Variants in FLNB observed in about 807,000 individuals in gnomAD.
FLNB encodes the protein filamin-B.
Under a neutral mutation model 250.6 loss-of-function variants are expected in FLNB, and 111 were observed. That is an observed-to-expected ratio of 0.44 (90% CI 0.38 to 0.52). The LOEUF (loss-of-function observed/expected upper bound fraction) is 0.52, where lower values mean the gene tolerates loss of function less well. Ranked by LOEUF, FLNB falls within the 20% of genes least tolerant of loss-of-function variation. The probability of loss-of-function intolerance (pLI) is 0.00; values close to 1 mark genes in which losing one functional copy is unlikely to be tolerated. For synonymous variants in FLNB, 1,302 were observed against 1,372.1 expected, an observed-to-expected ratio of 0.95 and a Z score of 1.13; for missense variants, 2,869 against 3,447.8, an observed-to-expected ratio of 0.83 and a Z score of 4.20.
At chr3:58,117,081 T>G (rs1242328228) in intron 18 of FLNB, among the ~76,000 whole-genome samples, 1 of 152,148 alleles carries the variant, frequency 6.6e-6, no homozygotes, top group African/African-American at 2.4e-5. Context: ...AAGAATAAGA[T>G]TCAGGTTTCA....
chr3:58,170,865 C>A lies in FLNB; in HGVS notation c.*103C>A, dbSNP rs1317705915. On this transcript the variant is annotated 3_prime_UTR_variant, in exon 46 of 46. Coordinates refer to ENST00000295956, the MANE Select transcript of FLNB (RefSeq NM_001457.4). ...CTCCAGCCTGTTTGTGGGGCTGAAA[C>A]CCCATCCCTAAAATATTGCTGTTGT... 2 of 1,051,726 alleles carry A rather than the reference C, an allele frequency of 1.9e-6. No homozygotes were observed. The highest frequency in any genetic ancestry group is 2.0e-5 in the Admixed American group (1 of 49,608). The allele number at this position is 1,051,726 out of a possible 1,614,324, so 65.1% of individuals were successfully genotyped here. A position where few individuals can be genotyped will look rare whatever the true frequency, so the allele number is the denominator to read the frequency against.
rs749772889 is a variant in FLNB, at chr3:58,150,181, C to A, written c.6321C>A (p.Ser2107=). The A allele has an allele frequency of 6.2e-7, 1 of 1,614,190 alleles. No homozygotes were observed. The change falls in exon 38 of 46, where the codon TCC becomes TCA. Residue 2107 remains serine, a synonymous_variant. Transcript: ENST00000295956. The stretch of plus-strand genomic sequence containing the variant: ...TCACCCGCACCAGTCGGGCCCCGTC[C>A]GTGGCCACTGTCGGGAGCATTTGTG... The part of the protein sequence containing the change: ...ESITRTSRAP[S]VATVGSICDL...
At position 58,112,290 on chromosome 3, in the gene FLNB, ACACGGTTAAATATACACC is replaced by A. The variant is rs1559701622; in HGVS notation, c.2721_2738del (p.Val908_Thr913del). ...ATCATCGATAATTATGACTACTCTC[ACACGGTTAAATATACACC>A]CACCCAACAGGTAGGGTCCTTCTCC... On this transcript the variant is annotated inframe_deletion, in exon 18 of 46. Transcript: ENST00000295956. 1.2e-6 allele frequency: 2 copies of A among 1,613,768 alleles called. No homozygotes were observed. Among genetic ancestry groups the A allele is most frequent in the Non-Finnish European group, 1.7e-6 (2 of 1,180,022 alleles).
At chr3:58,072,313 C>T (rs1049374384) in intron 1 of FLNB, among the ~76,000 whole-genome samples, 9 of 152,042 alleles carry the variant, frequency 5.9e-5, no homozygotes, top group South Asian at 2.1e-4. Context: ...GGTGGTTAGG[C>T]GGACCTGGTA....
intron 34 of FLNB, 41 bp downstream of exon 34, chr3:58,147,034 A>G (rs2097336819): frequency 6.2e-7 from 1 of 1,606,754 alleles, no homozygotes; most frequent in Non-Finnish European, 8.5e-7. Flanking sequence ...CGTGGGAAGT[A>G]TGGCTGCCTC....
Position 58,102,319 on chromosome 3 carries a change from G to A in FLNB, c.1462G>A (p.Gly488Ser), listed in dbSNP as rs369048620. ...CAAAGCTGCAGGAAGTGGGGAGCTC[G>A]GTGTAACCATGAAGGGTCCTAGTAA... ...DTKAAGSGELGVTMKGPKGLE... is the reference protein window; with the variant it reads ...DTKAAGSGELSVTMKGPKGLE... The change falls in exon 9 of 46, where the codon GGT becomes AGT. Residue 488 changes from glycine to serine, a missense_variant. Transcript: ENST00000295956. 2.8e-5 allele frequency: 45 copies of A among 1,614,166 alleles called. No individual in the cohort carries two copies. The highest frequency in any genetic ancestry group is 1.7e-4 in the Middle Eastern group (1 of 6,060).
At position 58,150,016 on chromosome 3, in the gene FLNB, A is replaced by G. The variant is rs754956909; in HGVS notation, c.6244+14A>G. 1.8e-5 allele frequency: 29 copies of G among 1,614,114 alleles called. No individual in the cohort carries two copies. The highest frequency in any genetic ancestry group is 3.3e-5 in the South Asian group (3 of 91,094). On this transcript the variant is annotated intron_variant, in intron 37 of 45. Transcript: ENST00000295956. ...AGCACGTGCCTGGTATGTGCATTCC[A>G]TTCCCCTCCAGGTGGGATGCTTGGG...
At chr3:58,097,772 C>T in intron 6 of FLNB, 43 bp from the exon 7 acceptor site, 1 of 1,593,266 alleles carries the variant, frequency 6.3e-7, no homozygotes, top group Non-Finnish European at 8.6e-7. Context: ...TTGCTGGGCA[C>T]AGAGAAGTGA....
chr3:58,134,828 C>G, intron 27 of FLNB, 56 bp downstream of exon 27: 1 of 1,527,524 alleles, frequency 6.5e-7, no homozygotes, highest in Non-Finnish European at 9.0e-7. Flanking sequence ...AATTTCTGGG[C>G]CAGATTTAAG....
intron 18 of FLNB, among the ~76,000 whole-genome samples, chr3:58,115,429 G>C (rs778294139): frequency 1.3e-5 from 2 of 152,216 alleles, no homozygotes; most frequent in Non-Finnish European, 1.5e-5. Flanking sequence ...TAGAAAGTAA[G>C]TTGCAGATAT....
chr3:58,045,808 C>T (rs1179696988), intron 1 of FLNB, among the ~76,000 whole-genome samples: 2 of 151,792 alleles, frequency 1.3e-5, no homozygotes, highest in African/African-American at 2.4e-5. Flanking sequence ...AAGACCAGCC[C>T]GGCCAACATG....
chr3:58,154,484 G>A (rs1380410135), intron 39 of FLNB: 1 of 336,782 alleles, frequency 3.0e-6, no homozygotes, highest in Non-Finnish European at 5.6e-6. Flanking sequence ...GATGGAGCTT[G>A]CAGTGAGCTG....
intron 4 of FLNB, among the ~76,000 whole-genome samples, chr3:58,090,148 CTT>C (rs61103936): frequency 6.7e-4 from 99 of 146,908 alleles, no homozygotes; most frequent in South Asian, 3.2e-3. Flanking sequence ...ACTTTTAAAA[CTT>C]TTTTTTTTTT....
intron 1 of FLNB, among the ~76,000 whole-genome samples, chr3:58,034,074 T>C (rs1423417499): frequency 1.3e-5 from 2 of 152,218 alleles, no homozygotes; most frequent in African/African-American, 4.8e-5. Flanking sequence ...TTGGTCATGC[T>C]GGTCTCGAAC....
chr3:58,159,744 T>C (rs2097358587), intron 42 of FLNB, 58 bp downstream of exon 42: 2 of 1,579,912 alleles, frequency 1.3e-6, no homozygotes, highest in Non-Finnish European at 1.7e-6. Flanking sequence ...AGAATGTTCC[T>C]GTAAATGTGT....
At chr3:58,128,119 G>T (rs1296361173) in intron 24 of FLNB, among the ~76,000 whole-genome samples, 1 of 152,154 alleles carries the variant, frequency 6.6e-6, no homozygotes, top group African/African-American at 2.4e-5. Context: ...TCTGGGTCAC[G>T]CTGAGAGGGG....
chr3:58,090,811 C>G (rs1187303851), intron 4 of FLNB, among the ~76,000 whole-genome samples: 3 of 152,080 alleles, frequency 2.0e-5, no homozygotes, highest in African/African-American at 7.2e-5. Context: ...GTGGCTCACG[C>G]CTGTAATCCC....
chr3:58,024,502 C>A (rs1288383676), intron 1 of FLNB, among the ~76,000 whole-genome samples: 2 of 151,968 alleles, frequency 1.3e-5, no homozygotes, highest in African/African-American at 4.8e-5. Context: ...GTGGTCTCTC[C>A]AGACTAGATG....
chr3:58,136,066 C>A lies in FLNB; in HGVS notation c.4759C>A (p.Arg1587Ser), dbSNP rs1383300466. 2 of 1,614,076 alleles carry A rather than the reference C, an allele frequency of 1.2e-6. No homozygotes were observed. The highest frequency in any genetic ancestry group is 1.7e-5 in the Admixed American group (1 of 60,008). The stretch of plus-strand genomic sequence containing the variant: ...CACCTACATCCCCGACAAGACTGGG[C>A]GCTATATGATTGGAGTCACCTACGG... ...AVTYIPDKTGRYMIGVTYGGD... is the reference protein window; with the variant it reads ...AVTYIPDKTGSYMIGVTYGGD... The change falls in exon 28 of 46, where the codon CGC becomes AGC. Residue 1587 changes from arginine to serine, a missense_variant. Arg to Ser is a moderately radical substitution (Grantham distance 110). Around this residue, in one of 5 missense-constraint regions of FLNB, gnomAD observed 126 missense variants for 182.0 expected, o/e 0.69. Coordinates refer to ENST00000295956, the MANE Select transcript of FLNB (RefSeq NM_001457.4).
Sources: gnomAD v4.1 joint callset for allele counts (sites outside exome capture counted in the v4.1 genomes callset) on GRCh38, gnomAD v4.1.1 for gene constraint, gnomAD v4.1.1 regional missense constraint, MANE v1.5 for transcripts, NCBI Gene and HGNC (gene_info 2026-07-23, HGNC 2026-07-21) for gene names.